Variants in RPGRIP1 observed in about 807,000 individuals in gnomAD.
RPGRIP1 encodes the protein X-linked retinitis pigmentosa GTPase regulator-interacting protein 1.
Under a neutral mutation model 157.9 loss-of-function variants are expected in RPGRIP1, and 128 were observed. That is an observed-to-expected ratio of 0.81 (90% CI 0.70 to 0.94). The LOEUF (loss-of-function observed/expected upper bound fraction) is 0.94. RPGRIP1 is among the 40% of genes least tolerant of loss of function. The pLI, the probability that RPGRIP1 is intolerant of heterozygous loss-of-function variation, is 0.00. For missense variants in RPGRIP1, 1,486 were observed against 1,545.8 expected (o/e 0.96, Z 0.65); for synonymous variants, 554 against 571.6 (o/e 0.97, Z 0.44).
intron 10 of RPGRIP1, 33 bp from the exon 11 acceptor site, chr14:21,317,663 G>T: frequency 6.4e-7 from 1 of 1,564,124 alleles, no homozygotes; most frequent in Non-Finnish European, 8.7e-7. Context: ...ACCCCTTGGG[G>T]TATCCATCTG....
At chr14:21,334,867 A>AC (rs1184999946) in intron 21 of RPGRIP1, among the ~76,000 whole-genome samples, 162 bp downstream of exon 21, 2 of 150,606 alleles carry the variant, frequency 1.3e-5, no homozygotes, top group African/African-American at 2.4e-5. Context: ...ACATGGAGAA[A>AC]CCCCATCTCT....
intron 1 of RPGRIP1, among the ~76,000 whole-genome samples, chr14:21,281,033 T>C (rs1880106068): frequency 6.6e-6 from 1 of 151,886 alleles, no homozygotes; most frequent in Non-Finnish European, 1.5e-5. Context: ...TTTTTTTTTT[T>C]TTTGAGACAG....
intron 14 of RPGRIP1, 35 bp from the exon 15 acceptor site, chr14:21,324,583 C>A (rs1882846365): frequency 3.2e-6 from 5 of 1,559,884 alleles, no homozygotes; most frequent in East Asian, 2.2e-5. Context: ...AGCTCCCTAC[C>A]CTTTAACGGA....
chr14:21,328,620 C>A lies in RPGRIP1; in HGVS notation c.3092C>A (p.Thr1031Lys). ...YLSLNILNGN[T>K]PEQVNYTEWK... The stretch of plus-strand genomic sequence containing the variant: ...AGCCTTAACATCTTAAATGGAAATA[C>A]ACCAGAGGTAAGACCTTAAAAACTC... The change falls in exon 19 of 25, where the codon ACA becomes AAA. Residue 1031 changes from threonine to lysine, a missense_variant. Physicochemically the swap from Thr to Lys is moderately conservative, Grantham distance 78. Coordinates refer to ENST00000400017, the MANE Select transcript of RPGRIP1 (RefSeq NM_020366.4). 6.2e-7 allele frequency: 1 copy of A among 1,609,476 alleles called. No homozygotes were observed. The highest frequency in any genetic ancestry group is 8.5e-7 in the Non-Finnish European group (1 of 1,175,914).
rs2139200999 is a variant in RPGRIP1 at position 21,320,242 on chromosome 14, A to C, written c.1467+65A>C. The C allele has an allele frequency of 1.2e-5, 17 of 1,395,646 alleles. No individual in the cohort carries two copies. In the South Asian group the frequency reaches 1.9e-4, roughly 16 times the overall value. 86.5% of individuals were successfully genotyped at this position (1,395,646 alleles called of 1,614,324 possible). On this transcript the variant is annotated intron_variant, in intron 12 of 24. Coordinates refer to ENST00000400017, the MANE Select transcript of RPGRIP1 (RefSeq NM_020366.4). ...AGATCTCTGGCAAATATCTCTAGGG[A>C]AGATGATGAGATTAGAAAACTAACT...
chr14:21,321,288 G>T lies in RPGRIP1; in HGVS notation c.1497G>T (p.Lys499Asn). The T allele has an allele frequency of 6.2e-7, 1 of 1,613,520 alleles. No homozygotes were observed. The highest frequency in any genetic ancestry group is 1.1e-5 in the South Asian group (1 of 90,972). Residue 499 changes from lysine (K) to asparagine (N), a missense_variant, in exon 13 of 25, where the codon AAG (lysine) becomes AAT (asparagine). Coordinates refer to ENST00000400017, the MANE Select transcript of RPGRIP1 (RefSeq NM_020366.4). ...EPSEPKNQEE[K>N]KLSQVLNELQ... ...GTGAACCCAAAAACCAAGAAGAAAA[G>T]AAACTGTCCCAGGTGCTAAATGAGT...
intron 1 of RPGRIP1, among the ~76,000 whole-genome samples, chr14:21,283,111 C>G (rs1880190162): frequency 6.6e-6 from 1 of 152,118 alleles, no homozygotes; most frequent in South Asian, 2.1e-4. Flanking sequence ...CGTCAATGTG[C>G]TCTGGGCCCA....
intron 24 of RPGRIP1, among the ~76,000 whole-genome samples, chr14:21,350,611 T>A (rs1886152089): frequency 6.6e-6 from 1 of 152,192 alleles, no homozygotes; most frequent in South Asian, 2.1e-4. Flanking sequence ...CTTAGTCTTT[T>A]TCCTCATCTA....
chr14:21,312,042 C>A, intron 9 of RPGRIP1, 72 bp downstream of exon 9: 1 of 1,357,760 alleles, frequency 7.4e-7, no homozygotes, highest in Non-Finnish European at 1.0e-6. Flanking sequence ...ATCTTAGCAA[C>A]AATATGAGTA....
chr14:21,347,755 G>A (rs1390468008), intron 23 of RPGRIP1, among the ~76,000 whole-genome samples: 6 of 152,106 alleles, frequency 3.9e-5, no homozygotes, highest in African/African-American at 1.4e-4. Flanking sequence ...TAGAGACTGG[G>A]TCTCGTTCTG....
chr14:21,305,838 G>A (rs1881275986), intron 6 of RPGRIP1, among the ~76,000 whole-genome samples: 1 of 152,082 alleles, frequency 6.6e-6, no homozygotes, highest in African/African-American at 2.4e-5. Context: ...TCCAGCCTGG[G>A]CAACAGAGCA....
At chr14:21,333,370 C>T (rs898957355) in intron 20 of RPGRIP1, among the ~76,000 whole-genome samples, 2 of 152,176 alleles carry the variant, frequency 1.3e-5, no homozygotes, top group Non-Finnish European at 2.9e-5. Context: ...CCGCTCAGAC[C>T]TTTTCCCTTT....
chr14:21,333,500 T>A (rs1884000827), intron 20 of RPGRIP1, among the ~76,000 whole-genome samples: 1 of 152,176 alleles, frequency 6.6e-6, no homozygotes, highest in Admixed American at 6.5e-5. Flanking sequence ...CTTAAAACAA[T>A]TGTCATTTCT....
chr14:21,336,097 G>A (rs558087178), intron 21 of RPGRIP1, among the ~76,000 whole-genome samples: 1 of 152,192 alleles, frequency 6.6e-6, no homozygotes, highest in Non-Finnish European at 1.5e-5. Flanking sequence ...TCAGAAAAGG[G>A]AATTTATGGT....
chr14:21,296,221 C>G (rs1594168641), intron 3 of RPGRIP1, among the ~76,000 whole-genome samples: 2 of 151,990 alleles, frequency 1.3e-5, no homozygotes, highest in African/African-American at 4.8e-5. Flanking sequence ...CCTGCCTCAG[C>G]CTCCCGAGTA....
At position 21,310,829 on chromosome 14, in the gene RPGRIP1, G is replaced by A. The variant is rs999249944; in HGVS notation, c.930+222G>A. The A allele has an allele frequency of 1.3e-5, 9 of 680,592 alleles. No individual in the cohort carries two copies. The Admixed American group carries it at 1.7e-4, about 13-fold the overall frequency. The allele number at this position is 680,592 out of a possible 1,614,324, so 42.2% of individuals were successfully genotyped here. ...AAAATTGAAATATGAAATTGTAGTT[G>A]AGAAATATTTGGCATGGTATTTTTA... On this transcript the variant is annotated intron_variant, in intron 8 of 24. Transcript: ENST00000400017.
intron 7 of RPGRIP1, among the ~76,000 whole-genome samples, chr14:21,308,914 GA>G (rs1881432202): frequency 1.3e-5 from 2 of 152,098 alleles, no homozygotes; most frequent in African/African-American, 2.4e-5. Context: ...ATATGCAAAT[GA>G]AGGGCGCCAT....
chr14:21,295,095 C>T (rs1016730071), intron 3 of RPGRIP1, among the ~76,000 whole-genome samples: 4 of 151,948 alleles, frequency 2.6e-5, no homozygotes, highest in African/African-American at 9.7e-5. Flanking sequence ...GCACCCACCT[C>T]GGCCTCCCAA....
At position 21,294,812 on chromosome 14, in the gene RPGRIP1, A is replaced by G; in HGVS notation, c.218+3A>G. 7.6e-7 allele frequency: 1 copy of G among 1,310,510 alleles called. No homozygotes were observed. The highest frequency in any genetic ancestry group is 1.0e-6 in the Non-Finnish European group (1 of 962,904). The allele number at this position is 1,310,510 out of a possible 1,614,324, so 81.2% of individuals were successfully genotyped here. ...AAGCAACAGGATGAGATCAAAAGGT[A>G]CTTAGAGTTCTCCTTAAATTTTTTT... On this transcript the variant is annotated splice_donor_region_variant and intron_variant, in intron 3 of 24. Transcript: ENST00000400017.
Sources: gnomAD v4.1 joint callset for allele counts (sites outside exome capture counted in the v4.1 genomes callset) on GRCh38, gnomAD v4.1.1 for gene constraint, MANE v1.5 for transcripts, NCBI Gene and HGNC (gene_info 2026-07-23, HGNC 2026-07-21) for gene names.